Variants in NAV3 observed in about 807,000 individuals in gnomAD.
NAV3 encodes the protein pore membrane and/or filament interacting like protein 1.
NAV3 carries 87 observed loss-of-function variants against 244.7 expected under a neutral mutation model. The ratio of observed to expected loss-of-function variants is 0.36; its 90% confidence interval spans 0.30 to 0.42. The LOEUF is 0.42. Among genes scored for constraint, NAV3 ranks in the 20% least tolerant of loss-of-function variants. NAV3 has a pLI of 1.00. For synonymous variants in NAV3, 1,126 were observed against 1,042.2 expected (o/e 1.08, Z -1.55); for missense variants, 2,663 against 2,893.3 (o/e 0.92, Z 1.83).
At chr12:77,769,518 A>T (rs951312565) in intron 2 of NAV3, among the ~76,000 whole-genome samples, 1 of 152,202 alleles carries the variant, frequency 6.6e-6, no homozygotes, top group Admixed American at 6.5e-5. Flanking sequence ...AGCTTTCTCT[A>T]TACATTTTTT....
intron 2 of NAV3, among the ~76,000 whole-genome samples, chr12:77,615,644 A>G (rs915537727): frequency 2.6e-5 from 4 of 152,076 alleles, no homozygotes; most frequent in African/African-American, 9.7e-5. Context: ...TATTGATTCC[A>G]TTATTCGCTA....
At chr12:77,931,792 G>C (rs1888827455) in intron 1 of NAV3, among the ~76,000 whole-genome samples, 1 of 152,028 alleles carries the variant, frequency 6.6e-6, no homozygotes, top group African/African-American at 2.4e-5. Context: ...GCGTGAACCC[G>C]GGAGGAGGAG....
intron 2 of NAV3, among the ~76,000 whole-genome samples, chr12:77,639,188 TA>T (rs1555189028): frequency 2.0e-5 from 3 of 152,140 alleles, no homozygotes; most frequent in South Asian, 2.1e-4. Flanking sequence ...TAAACAGATT[TA>T]AAAAAATTTT....
rs1052694126 is a variant in NAV3 at position 78,048,854 on chromosome 12, A to G, written c.2024-1139A>G. Among the ~76,000 whole-genome samples the G allele has an allele frequency of 2.0e-5, 3 of 152,018 alleles. 1 individual carries two copies. The highest frequency in any genetic ancestry group is 2.0e-4 in the Admixed American group (3 of 15,264). On this transcript the variant is annotated intron_variant, in intron 9 of 39. Transcript: ENST00000397909. ...CCCCCAGGTGCTCTGTCCCAGGGAG[A>G]TGAGAGTTTTATCTGTAAGCCCCTG...
At chr12:77,907,837 G>A (rs1044509855) in intron 1 of NAV3, among the ~76,000 whole-genome samples, 21 of 152,022 alleles carry the variant, frequency 1.4e-4, no homozygotes, top group Admixed American at 1.4e-3. Context: ...CGGTGAACAG[G>A]CTCAGTAAAT....
intron 9 of NAV3, among the ~76,000 whole-genome samples, chr12:78,048,436 C>G (rs1882206067): frequency 6.6e-6 from 1 of 152,066 alleles, no homozygotes; most frequent in South Asian, 2.1e-4. Flanking sequence ...GATGCTATTC[C>G]TTTTTGTTTG....
intron 12 of NAV3, among the ~76,000 whole-genome samples, chr12:78,107,500 G>T (rs1451885843): frequency 1.3e-5 from 2 of 151,986 alleles, no homozygotes; most frequent in East Asian, 1.9e-4. Context: ...AACAGCAAGA[G>T]AAAGTGTATG....
intron 2 of NAV3, among the ~76,000 whole-genome samples, chr12:77,622,624 T>C (rs1871429711): frequency 6.7e-6 from 1 of 149,824 alleles, no homozygotes; most frequent in Non-Finnish European, 1.5e-5. Flanking sequence ...AGACTTAAGC[T>C]AGTTGTACTT....
intron 2 of NAV3, among the ~76,000 whole-genome samples, chr12:77,730,422 A>T (rs1343664477): frequency 6.6e-6 from 1 of 151,982 alleles, no homozygotes; most frequent in African/African-American, 2.4e-5. Context: ...TAAGGATTGG[A>T]AATTAAAAGT....
intron 1 of NAV3, among the ~76,000 whole-genome samples, chr12:77,896,142 G>C (rs971449807): frequency 1.3e-5 from 2 of 151,912 alleles, no homozygotes; most frequent in Non-Finnish European, 2.9e-5. Context: ...GAGACAGATC[G>C]CTACTACCTT....
intron 2 of NAV3, among the ~76,000 whole-genome samples, chr12:77,616,946 A>T (rs915871214): frequency 2.0e-5 from 3 of 152,096 alleles, no homozygotes; most frequent in Non-Finnish European, 4.4e-5. Context: ...TGGTTTCAAA[A>T]TTTTTTGCAG....
chr12:77,659,637 A>G (rs373420152), intron 2 of NAV3, among the ~76,000 whole-genome samples: 9 of 152,106 alleles, frequency 5.9e-5, no homozygotes, highest in Admixed American at 6.6e-5. Flanking sequence ...TATAAATCAT[A>G]CTGCTATAAA....
intron 1 of NAV3, among the ~76,000 whole-genome samples, chr12:77,863,038 C>T (rs1370948534): frequency 6.6e-6 from 1 of 151,590 alleles, no homozygotes; most frequent in African/African-American, 2.4e-5. Context: ...ACTTTTTGTC[C>T]ATGACTTGAT....
chr12:77,877,675 A>G (rs1625870), intron 1 of NAV3, among the ~76,000 whole-genome samples: 21,686 of 152,062 alleles, frequency 0.14, 1,697 homozygotes, highest in East Asian at 0.22. Context: ...CAAATAAGTG[A>G]TGAAAATTCT....
At chr12:77,826,489 C>A (rs1873020746), upstream of NAV3, among the ~76,000 whole-genome samples, 1 of 152,016 alleles carries the variant, frequency 6.6e-6, no homozygotes, top group African/African-American at 2.4e-5. Context: ...GTGACTCTGT[C>A]CCCCTCCCCC....
intron 12 of NAV3, among the ~76,000 whole-genome samples, chr12:78,087,620 T>C (rs2137945384): frequency 6.6e-6 from 1 of 152,112 alleles, no homozygotes; most frequent in South Asian, 2.1e-4. Context: ...AGGAGACAAT[T>C]ATAAAATGTA....
At chr12:78,124,690 G>A (rs1372290604) in intron 16 of NAV3, among the ~76,000 whole-genome samples, 1 of 152,056 alleles carries the variant, frequency 6.6e-6, no homozygotes, top group African/African-American at 2.4e-5. Context: ...CTGACTTCAA[G>A]CGATCTACCC....
chr12:78,116,824 A>C lies in NAV3; in HGVS notation c.2689A>C (p.Ile897Leu). 6.2e-7 allele frequency: 1 copy of C among 1,612,538 alleles called. No individual in the cohort carries two copies. The highest frequency in any genetic ancestry group is 8.5e-7 in the Non-Finnish European group (1 of 1,178,990). ...SSGLSDTLDN[I>L]STDDLNTTSS... ...TGGTCTCAGTGACACCCTTGATAACATCAGCACTGATGACCTGAACACCAC... is the reference window on the plus strand; with the variant it reads ...TGGTCTCAGTGACACCCTTGATAACCTCAGCACTGATGACCTGAACACCAC... Residue 897 changes from isoleucine (I) to leucine (L), a missense_variant, in exon 13 of 40, where the codon ATC (isoleucine) becomes CTC (leucine). Transcript: ENST00000397909.
intron 3 of NAV3, among the ~76,000 whole-genome samples, chr12:77,961,032 G>C (rs944219180): frequency 3.9e-5 from 5 of 129,844 alleles, no homozygotes; most frequent in African/African-American, 8.7e-5. Flanking sequence ...ACATGTATAC[G>C]CATATATGTA....
Sources: allele counts gnomAD v4.1 joint callset (sites outside exome capture counted in the v4.1 genomes callset), GRCh38; gene constraint gnomAD v4.1.1; transcripts MANE v1.5; gene names NCBI Gene and HGNC (gene_info 2026-07-23, HGNC 2026-07-21).